Variants in NIM1K observed in about 807,000 individuals in gnomAD.
NIM1K encodes NIM1 serine/threonine protein kinase, also known as serine/threonine-protein kinase NIM1.
In NIM1K, 35 loss-of-function variants were observed where a neutral mutation model predicts 37.1. The observed-to-expected ratio is 0.94, with a 90% CI of 0.72 to 1.25. NIM1K has a LOEUF of 1.25. Among genes scored for constraint, NIM1K ranks in the 50% most tolerant of loss-of-function variants. The probability of loss-of-function intolerance (pLI) is 0.00; values close to 1 mark genes in which losing one functional copy is unlikely to be tolerated. For synonymous variants in NIM1K, 234 were observed against 206.6 expected, an observed-to-expected ratio of 1.13 and a Z score of -1.14; for missense variants, 564 against 548.0, an observed-to-expected ratio of 1.03 and a Z score of -0.29.
At chr5:43,280,850 A>AT (rs529182196), downstream of NIM1K, 313 of 931,310 alleles carry the variant, frequency 3.4e-4, 3 homozygotes, top group South Asian at 3.9e-3. Flanking sequence ...TGAGATATGC[A>AT]TTTTTTTTCT....
chr5:43,253,214 G>A (rs201836649), intron 2 of NIM1K, among the ~76,000 whole-genome samples: 5,284 of 27,438 alleles, frequency 0.19, 122 homozygotes, highest in Non-Finnish European at 0.33. Flanking sequence ...TATAATATAT[G>A]TGTGTGTGTG....
At chr5:43,270,473 C>A (rs1753239044) in intron 2 of NIM1K, among the ~76,000 whole-genome samples, 1 of 152,138 alleles carries the variant, frequency 6.6e-6, no homozygotes, top group Non-Finnish European at 1.5e-5. Flanking sequence ...TGAGGAAATT[C>A]TCCTCTATTG....
At chr5:43,262,057 T>A (rs1753039350) in intron 2 of NIM1K, among the ~76,000 whole-genome samples, 1 of 152,240 alleles carries the variant, frequency 6.6e-6, no homozygotes, top group Admixed American at 6.5e-5. Context: ...CCTCCTGCTT[T>A]GTTCTTTTGG....
At chr5:43,274,750 A>G (rs569585060) in intron 2 of NIM1K, among the ~76,000 whole-genome samples, 1 of 152,250 alleles carries the variant, frequency 6.6e-6, no homozygotes, top group Admixed American at 6.5e-5. Flanking sequence ...ACACCAGTGA[A>G]CCCTTTTTCC....
intron 1 of NIM1K, among the ~76,000 whole-genome samples, chr5:43,203,966 C>G (rs1173248324): frequency 6.7e-6 from 1 of 148,736 alleles, no homozygotes. Flanking sequence ...GCAGAAGTTG[C>G]AATGAGCTGA....
chr5:43,249,858 T>G (rs964968159), intron 2 of NIM1K, among the ~76,000 whole-genome samples: 1 of 147,668 alleles, frequency 6.8e-6, no homozygotes, highest in African/African-American at 2.5e-5. Context: ...TAGTTTTTTT[T>G]TTTTTTTTTT....
chr5:43,243,931 T>C (rs1752740625), intron 1 of NIM1K, among the ~76,000 whole-genome samples: 1 of 152,176 alleles, frequency 6.6e-6, no homozygotes, highest in Non-Finnish European at 1.5e-5. Context: ...TCCTAATTGG[T>C]CTCTAACCTA....
intron 3 of NIM1K, among the ~76,000 whole-genome samples, chr5:43,277,744 T>G (rs1169064828): frequency 1.4e-5 from 2 of 147,936 alleles, no homozygotes; most frequent in Non-Finnish European, 3.0e-5. Flanking sequence ...CCCAGCTTGG[T>G]TCTCTCTCTC....
chr5:43,251,533 A>T lies in NIM1K; in HGVS notation c.292+5466A>T, dbSNP rs77594503. On this transcript the variant is annotated intron_variant, in intron 2 of 3. Coordinates refer to ENST00000326035, the MANE Select transcript of NIM1K (RefSeq NM_153361.4). The stretch of plus-strand genomic sequence containing the variant: ...CAAGGTTTAGAACCTGTTTACAGGA[A>T]TTCACATGGAATTGAGTACTCACAT... Among the ~76,000 whole-genome samples, 888 of 152,316 alleles carry T rather than the reference A, an allele frequency of 5.8e-3. 45 individuals carry two copies. The East Asian group carries it at 0.13, about 22-fold the overall frequency.
chr5:43,194,400 A>G (rs1226636679), intron 1 of NIM1K, among the ~76,000 whole-genome samples: 1 of 152,066 alleles, frequency 6.6e-6, no homozygotes, highest in Non-Finnish European at 1.5e-5. Context: ...GCCTGGAAAA[A>G]CCTTCAGAGA....
chr5:43,264,007 C>G (rs182872445), intron 2 of NIM1K, among the ~76,000 whole-genome samples: 188 of 152,240 alleles, frequency 1.2e-3, no homozygotes, highest in African/African-American at 4.3e-3. Flanking sequence ...AATTTCTGTT[C>G]TTTTACATTT....
chr5:43,236,514 T>C (rs1752623901), intron 1 of NIM1K, among the ~76,000 whole-genome samples: 2 of 152,200 alleles, frequency 1.3e-5, no homozygotes, highest in Non-Finnish European at 2.9e-5. Context: ...TAATTGCCAG[T>C]TTCTTTTCAA....
chr5:43,202,280 C>A (rs141129962), intron 1 of NIM1K, among the ~76,000 whole-genome samples: 1 of 152,108 alleles, frequency 6.6e-6, no homozygotes, highest in Admixed American at 6.6e-5. Flanking sequence ...AACCCCTGGG[C>A]TCAAGAGATC....
chr5:43,200,942 G>T (rs529547699), intron 1 of NIM1K, among the ~76,000 whole-genome samples: 43 of 151,970 alleles, frequency 2.8e-4, no homozygotes, highest in African/African-American at 9.7e-4. Flanking sequence ...TGGCCAAGAT[G>T]GTGAAACCCT....
chr5:43,259,446 G>C (rs993796037), intron 2 of NIM1K, among the ~76,000 whole-genome samples: 4 of 152,142 alleles, frequency 2.6e-5, no homozygotes, highest in Non-Finnish European at 5.9e-5. Flanking sequence ...AACATCTACT[G>C]TTTTTTGACT....
At position 43,271,887 on chromosome 5, in the gene NIM1K, G is replaced by T. The variant is rs11956901; in HGVS notation, c.293-5170G>T. ...ATCCGTTCTCCATTTCTATAATTTT[G>T]TCATTCCAAGAAAATTATATACAAG... On this transcript the variant is annotated intron_variant, in intron 2 of 3. Transcript: ENST00000326035. Among the ~76,000 whole-genome samples, 826 of 152,126 alleles carry T rather than the reference G, an allele frequency of 5.4e-3. 6 individuals carry two copies. The highest frequency in any genetic ancestry group is 0.019 in the African/African-American group (784 of 41,482).
intron 1 of NIM1K, among the ~76,000 whole-genome samples, chr5:43,236,206 G>A (rs1401558478): frequency 1.3e-5 from 2 of 152,112 alleles, no homozygotes; most frequent in Non-Finnish European, 2.9e-5. Flanking sequence ...TATCAAGGCT[G>A]CAGTGAGCTG....
At chr5:43,241,739 G>T (rs1439279823) in intron 1 of NIM1K, among the ~76,000 whole-genome samples, 1 of 151,836 alleles carries the variant, frequency 6.6e-6, no homozygotes, top group African/African-American at 2.4e-5. Flanking sequence ...TCCCTATCAG[G>T]TTATCATTTG....
chr5:43,251,064 T>TGACA (rs1440645667), intron 2 of NIM1K, among the ~76,000 whole-genome samples: 1 of 152,192 alleles, frequency 6.6e-6, no homozygotes, highest in Non-Finnish European at 1.5e-5. Context: ...GTGAAGTACA[T>TGACA]GACATATAGT....
Sources: gnomAD v4.1 joint callset for allele counts (sites outside exome capture counted in the v4.1 genomes callset) on GRCh38, gnomAD v4.1.1 for gene constraint, MANE v1.5 for transcripts, NCBI Gene and HGNC (gene_info 2026-07-23, HGNC 2026-07-21) for gene names.